RASEF: variants seen among roughly 807,000 people sequenced by gnomAD.
RASEF encodes RAS and EF-hand domain containing.
Under a neutral mutation model 90.1 loss-of-function variants are expected in RASEF, and 68 were observed. The observed-to-expected ratio is 0.75, with a 90% confidence interval of 0.62 to 0.92. The LOEUF (loss-of-function observed/expected upper bound fraction) is 0.92, where lower values mean the gene tolerates loss of function less well. Ranked by LOEUF, RASEF falls within the 40% of genes least tolerant of loss-of-function variation. The pLI is 0.00. For missense variants in RASEF, 949 were observed against 937.2 expected (o/e 1.01, Z -0.16); for synonymous variants, 331 against 345.2 (o/e 0.96, Z 0.46).
intron 9 of RASEF, among the ~76,000 whole-genome samples, chr9:83,003,654 T>A: frequency 6.6e-6 from 1 of 152,150 alleles, no homozygotes; most frequent in Non-Finnish European, 1.5e-5. Flanking sequence ...TTAGAAATGA[T>A]CACCAATAAG....
chr9:83,144,233 C>T, the RASEF span, among the ~76,000 whole-genome samples: 3 of 150,772 alleles, frequency 2.0e-5, no homozygotes, highest in South Asian at 6.3e-4. Flanking sequence ...TTGGGTACCA[C>T]TCTCACTGCC....
At chr9:83,066,148 T>C (rs1830280515), upstream of RASEF, among the ~76,000 whole-genome samples, 1 of 152,264 alleles carries the variant, frequency 6.6e-6, no homozygotes, top group South Asian at 2.1e-4. Flanking sequence ...ATCATGGCTT[T>C]TATTGTCCCC....
chr9:83,107,103 C>T, the RASEF span, among the ~76,000 whole-genome samples: 8 of 152,208 alleles, frequency 5.3e-5, no homozygotes, highest in Non-Finnish European at 1.0e-4. Flanking sequence ...TCTCCCTAGA[C>T]ATGTCCATAG....
At chr9:83,018,552 T>G (rs1829385605) in intron 3 of RASEF, among the ~76,000 whole-genome samples, 1 of 152,144 alleles carries the variant, frequency 6.6e-6, no homozygotes, top group Non-Finnish European at 1.5e-5. Context: ...TGCAGACTTT[T>G]AGTTTTTGTT....
At chr9:82,988,853 C>G (rs1828761337) in intron 16 of RASEF, among the ~76,000 whole-genome samples, 1 of 152,114 alleles carries the variant, frequency 6.6e-6, no homozygotes, top group Non-Finnish European at 1.5e-5. Context: ...CTCGGGTATT[C>G]CTTTATAGAG....
At chr9:82,983,260 A>ATGGTTGC (rs2118348582) in intron 16 of RASEF, among the ~76,000 whole-genome samples, 1 of 152,180 alleles carries the variant, frequency 6.6e-6, no homozygotes, top group East Asian at 1.9e-4. Context: ...GCTTCATGTA[A>ATGGTTGC]TGGTTGCTGA....
chr9:83,083,149 T>C, the RASEF span, among the ~76,000 whole-genome samples: 3 of 152,134 alleles, frequency 2.0e-5, no homozygotes, highest in Admixed American at 6.6e-5. Flanking sequence ...AGAACGTCAG[T>C]TGGTTACACA....
chr9:83,216,781 T>A, the RASEF span, among the ~76,000 whole-genome samples: 1 of 152,000 alleles, frequency 6.6e-6, no homozygotes, highest in African/African-American at 2.4e-5. Flanking sequence ...GTAAAGGCAT[T>A]GGATAAATAT....
chr9:83,080,454 C>T, the RASEF span, among the ~76,000 whole-genome samples: 1 of 152,136 alleles, frequency 6.6e-6, no homozygotes, highest in South Asian at 2.1e-4. Context: ...GTATATGTGG[C>T]CCGCACACAC....
intron 16 of RASEF, 137 bp downstream of exon 16, chr9:82,990,254 A>G (rs1402830763): frequency 1.7e-6 from 1 of 591,786 alleles, no homozygotes; most frequent in Non-Finnish European, 3.0e-6. Flanking sequence ...TAATATCCAC[A>G]TATTTATTTC....
At chr9:83,157,495 A>T in the RASEF span, among the ~76,000 whole-genome samples, 5 of 152,070 alleles carry the variant, frequency 3.3e-5, no homozygotes, top group Non-Finnish European at 1.5e-5. Flanking sequence ...ATGTTATAAC[A>T]CACTGAGAAG....
At chr9:83,155,276 A>G in the RASEF span, among the ~76,000 whole-genome samples, 1 of 152,148 alleles carries the variant, frequency 6.6e-6, no homozygotes, top group Non-Finnish European at 1.5e-5. Flanking sequence ...GTTTGGGTGT[A>G]TTAGTCCATT....
the RASEF span, among the ~76,000 whole-genome samples, chr9:83,140,810 TA>T: frequency 6.6e-6 from 1 of 151,942 alleles, no homozygotes. Context: ...TTTACAAAAT[TA>T]AGAAAAAATT....
the RASEF span, among the ~76,000 whole-genome samples, chr9:83,193,100 C>T: frequency 3.3e-5 from 5 of 152,146 alleles, no homozygotes; most frequent in South Asian, 2.1e-4. Context: ...GCGAATGAAG[C>T]GCAACAAGAC....
the RASEF span, among the ~76,000 whole-genome samples, chr9:83,088,372 G>GATAGATAGATA: frequency 2.7e-5 from 4 of 147,478 alleles, no homozygotes; most frequent in African/African-American, 1.0e-4. Context: ...ATAGATAGAT[G>GATAGATAGATA]GATAGATAGA....
chr9:82,995,299 CAAT>C (rs1337542732), intron 14 of RASEF, among the ~76,000 whole-genome samples: 1 of 152,152 alleles, frequency 6.6e-6, no homozygotes, highest in Non-Finnish European at 1.5e-5. Flanking sequence ...AAAATGTCAA[CAAT>C]AAAACAGTTT....
intron 5 of RASEF, among the ~76,000 whole-genome samples, chr9:83,011,550 C>CAAAA (rs71363083): frequency 0.05 from 1,404 of 28,088 alleles, 341 homozygotes; most frequent in African/African-American, 0.11. Context: ...GACTCCATCT[C>CAAAA]AAAAAAAAAA....
chr9:83,033,530 C>T (rs1489044544), intron 1 of RASEF, among the ~76,000 whole-genome samples: 4 of 152,144 alleles, frequency 2.6e-5, no homozygotes, highest in African/African-American at 9.7e-5. Context: ...GAGAAGTTAG[C>T]AGGAGCCCGA....
At chr9:83,106,652 A>G in the RASEF span, among the ~76,000 whole-genome samples, 1 of 152,206 alleles carries the variant, frequency 6.6e-6, no homozygotes. Context: ...CTGCTCCACT[A>G]GGATGGCTTT....
Sources: gnomAD v4.1 joint callset for allele counts (sites outside exome capture counted in the v4.1 genomes callset) on GRCh38, gnomAD v4.1.1 for gene constraint, MANE v1.5 for transcripts, NCBI Gene and HGNC (gene_info 2026-07-23, HGNC 2026-07-21) for gene names.